Variants in COL26A1 observed in about 807,000 individuals in gnomAD.
COL26A1 encodes the protein collagen type XXVI alpha 1 chain, also known as collagen alpha-1(XXVI) chain.
A neutral mutation model predicts 59.3 loss-of-function variants in COL26A1; 41 were observed. The ratio of observed to expected loss-of-function variants is 0.69; its 90% confidence interval spans 0.54 to 0.90. The LOEUF (loss-of-function observed/expected upper bound fraction) is 0.90, where lower values mean the gene tolerates loss of function less well. COL26A1 is among the 40% of genes least tolerant of loss of function. The probability of loss-of-function intolerance (pLI) is 0.00; values close to 1 mark genes in which losing one functional copy is unlikely to be tolerated. For missense variants in COL26A1, 612 were observed against 602.3 expected (o/e 1.02, Z -0.17); for synonymous variants, 266 against 256.0 (o/e 1.04, Z -0.37).
intron 3 of COL26A1, among the ~76,000 whole-genome samples, chr7:101,520,972 C>T (rs6969571): frequency 0.018 from 2,787 of 152,228 alleles, 32 homozygotes; most frequent in Middle Eastern, 0.061. Context: ...TGTCTTCACA[C>T]TGCTATAAAG....
chr7:101,406,895 A>G (rs1164969772), intron 1 of COL26A1, among the ~76,000 whole-genome samples: 7 of 152,174 alleles, frequency 4.6e-5, no homozygotes, highest in Non-Finnish European at 1.0e-4. Flanking sequence ...GGCTGCAGTG[A>G]GCTAGAATTG....
Position 101,557,306 on chromosome 7 carries a change from T to C in COL26A1, c.1166-64T>C, listed in dbSNP as rs371239473. ...ATCTCTCCGTGGCCACATATCATGA[T>C]CAAATGTACCCCCAAGTGTTCCTAA... On this transcript the variant is annotated intron_variant, in intron 12 of 12. Coordinates refer to ENST00000313669, the MANE Select transcript of COL26A1 (RefSeq NM_001278563.3). 2.8e-4 allele frequency: 428 copies of C among 1,518,954 alleles called. 4 individuals are homozygous for C. The South Asian group carries it at 4.6e-3, about 16-fold the overall frequency. 94.1% of individuals were successfully genotyped at this position (1,518,954 alleles called of 1,614,324 possible). A position where few individuals can be genotyped will look rare whatever the true frequency, so the allele number is the denominator to read the frequency against.
intron 1 of COL26A1, among the ~76,000 whole-genome samples, chr7:101,384,578 C>T (rs549984390): frequency 3.9e-5 from 6 of 152,250 alleles, no homozygotes; most frequent in African/African-American, 1.2e-4. Flanking sequence ...GCCTCGGCCT[C>T]CCAGTGTGTT....
At chr7:101,519,410 A>G (rs1795094439) in intron 3 of COL26A1, among the ~76,000 whole-genome samples, 1 of 152,208 alleles carries the variant, frequency 6.6e-6, no homozygotes, top group Admixed American at 6.5e-5. Flanking sequence ...TTCTGGGCTC[A>G]AGCGATCATT....
At chr7:101,534,255 CAG>C (rs1795431099) in intron 4 of COL26A1, among the ~76,000 whole-genome samples, 1 of 150,772 alleles carries the variant, frequency 6.6e-6, no homozygotes, top group East Asian at 1.9e-4. Context: ...TGGCATTGTC[CAG>C]AGAGAGTGTG....
chr7:101,534,654 T>C (rs554835186), intron 4 of COL26A1, among the ~76,000 whole-genome samples: 66 of 147,638 alleles, frequency 4.5e-4, no homozygotes, highest in East Asian at 3.2e-3. Flanking sequence ...CACATACATA[T>C]ACACACACAC....
chr7:101,414,922 T>C (rs1377598688), intron 1 of COL26A1, among the ~76,000 whole-genome samples: 3 of 152,230 alleles, frequency 2.0e-5, no homozygotes, highest in Non-Finnish European at 4.4e-5. Flanking sequence ...TCAGGAAGAC[T>C]AGACTCCCTT....
At position 101,489,714 on chromosome 7, in the gene COL26A1, A is replaced by T. The variant is rs12056302; in HGVS notation, c.385+41927A>T. On this transcript the variant is annotated intron_variant, in intron 3 of 12. Transcript: ENST00000313669. The stretch of plus-strand genomic sequence containing the variant: ...CTTTCTTTCTGTCTTTCTTTCTTTC[A>T]TTCTTTCTTTCTCTCTCTCTTTCTC... Among the ~76,000 whole-genome samples, 321 of 64,650 alleles carry T rather than the reference A, an allele frequency of 5.0e-3. 34 individuals are homozygous for T. Among genetic ancestry groups the T allele is most frequent in the African/African-American group, 7.7e-3 (59 of 7,616 alleles). The allele number at this position is 64,650 out of a possible 152,430, so 42.4% of individuals were successfully genotyped here. A position where few individuals can be genotyped will look rare whatever the true frequency, so the allele number is the denominator to read the frequency against.
intron 1 of COL26A1, among the ~76,000 whole-genome samples, chr7:101,366,608 C>G (rs1791055544): frequency 6.6e-6 from 1 of 150,594 alleles, no homozygotes; most frequent in South Asian, 2.1e-4. Flanking sequence ...TCAAGCAATC[C>G]TCCCACCTCA....
At chr7:101,544,485 C>T (rs968975661) in intron 6 of COL26A1, among the ~76,000 whole-genome samples, 1 of 151,302 alleles carries the variant, frequency 6.6e-6, no homozygotes, top group Non-Finnish European at 1.5e-5. Flanking sequence ...CCTTGGCCTC[C>T]CAAAGTGCTG....
At chr7:101,461,994 C>A (rs1793624791) in intron 3 of COL26A1, among the ~76,000 whole-genome samples, 1 of 132,862 alleles carries the variant, frequency 7.5e-6, no homozygotes, top group Admixed American at 7.9e-5. Flanking sequence ...ATCCACGGAG[C>A]ACTTTTTTTT....
intron 1 of COL26A1, among the ~76,000 whole-genome samples, chr7:101,415,403 C>T (rs1235352519): frequency 6.6e-6 from 1 of 152,174 alleles, no homozygotes; most frequent in Non-Finnish European, 1.5e-5. Context: ...ATCTACCCGC[C>T]TTGGTTTCTC....
At chr7:101,462,087 C>T (rs4518586) in intron 3 of COL26A1, among the ~76,000 whole-genome samples, 65,049 of 148,300 alleles carry the variant, frequency 0.44, 14,979 homozygotes, top group Middle Eastern at 0.54. Flanking sequence ...GCAACCTCTG[C>T]TTCCCAGTTT....
chr7:101,551,237 G>GGGGGGGGGGGGGGGGC, intron 10 of COL26A1, 94 bp downstream of exon 10: 1 of 386,366 alleles, frequency 2.6e-6, no homozygotes, highest in Non-Finnish European at 5.0e-6. Flanking sequence ...TGGTGGGGGG[G>GGGGGGGGGGGGGGGGC]TTCAGCCCTG....
intron 3 of COL26A1, among the ~76,000 whole-genome samples, chr7:101,504,251 C>T (rs1196511554): frequency 3.3e-5 from 5 of 152,208 alleles, no homozygotes; most frequent in African/African-American, 1.2e-4. Context: ...CAGGCGCGTG[C>T]CACCACACCC....
chr7:101,401,461 AGAG>A (rs528624639), intron 1 of COL26A1, among the ~76,000 whole-genome samples: 2 of 151,646 alleles, frequency 1.3e-5, no homozygotes, highest in African/African-American at 2.4e-5. Context: ...GAGAGAAGGA[AGAG>A]GAGAAGGAGG....
At chr7:101,517,397 C>G (rs1310824180) in intron 3 of COL26A1, among the ~76,000 whole-genome samples, 1 of 152,202 alleles carries the variant, frequency 6.6e-6, no homozygotes, top group Admixed American at 6.5e-5. Context: ...GTTTAATGGA[C>G]TTACAGCTCC....
intron 4 of COL26A1, among the ~76,000 whole-genome samples, chr7:101,536,062 G>T (rs973221258): frequency 6.6e-6 from 1 of 152,214 alleles, no homozygotes; most frequent in Non-Finnish European, 1.5e-5. Flanking sequence ...TGCTATCTCA[G>T]TGTGGTGGCG....
At chr7:101,445,730 T>C (rs1793174537) in intron 2 of COL26A1, among the ~76,000 whole-genome samples, 1 of 17,908 alleles carries the variant, frequency 5.6e-5, no homozygotes, top group Non-Finnish European at 1.4e-4. Flanking sequence ...AGACTCCGTC[T>C]CAAAAAAAAA....
Sources: gnomAD v4.1 joint callset for allele counts (sites outside exome capture counted in the v4.1 genomes callset) on GRCh38, gnomAD v4.1.1 for gene constraint, MANE v1.5 for transcripts, NCBI Gene and HGNC (gene_info 2026-07-23, HGNC 2026-07-21) for gene names.